MAD1L1: variants seen among roughly 807,000 people sequenced by gnomAD.
MAD1L1 encodes the protein mitotic arrest deficient 1 like 1.
MAD1L1 carries 95 observed loss-of-function variants against 96.9 expected under a neutral mutation model. The observed-to-expected ratio is 0.98, with a 90% CI of 0.83 to 1.16. The LOEUF (loss-of-function observed/expected upper bound fraction) is 1.16. Among genes scored for constraint, MAD1L1 ranks in the 50% most tolerant of loss-of-function variants. MAD1L1 has a pLI of 0.00. For missense variants in MAD1L1, 1,007 were observed against 954.4 expected (o/e 1.06, Z -0.73); for synonymous variants, 473 against 396.6 (o/e 1.19, Z -2.29).
intron 11 of MAD1L1, among the ~76,000 whole-genome samples, chr7:2,127,295 A>G (rs553851087): frequency 6.6e-6 from 1 of 152,272 alleles, no homozygotes; most frequent in East Asian, 1.9e-4. Context: ...GAGGGGCACA[A>G]AGGAGCGGCA....
At chr7:1,939,343 C>T (rs896664513) in intron 16 of MAD1L1, among the ~76,000 whole-genome samples, 8 of 150,888 alleles carry the variant, frequency 5.3e-5, no homozygotes, top group Non-Finnish European at 1.0e-4. Context: ...ACACACAGGC[C>T]AGGGCTGGAG....
At chr7:2,171,764 G>T (rs1300601280) in intron 10 of MAD1L1, among the ~76,000 whole-genome samples, 1 of 151,220 alleles carries the variant, frequency 6.6e-6, no homozygotes, top group East Asian at 1.9e-4. Flanking sequence ...CATGCAAAGG[G>T]CAGCAGAGAA....
Position 2,100,187 on chromosome 7 carries a change from G to T in MAD1L1, c.1074-30849C>A, listed in dbSNP as rs141301372. Among the ~76,000 whole-genome samples the T allele has an allele frequency of 3.2e-3, 494 of 152,358 alleles. 5 individuals are homozygous for T. Among genetic ancestry groups the T allele is most frequent in the African/African-American group, 0.011 (472 of 41,574 alleles). On this transcript the variant is annotated intron_variant, in intron 11 of 18. Coordinates refer to ENST00000265854, the MANE Select transcript of MAD1L1 (RefSeq NM_001013836.2). ...CGACGGCCAGCGCAGTCAGCTGCAA[G>T]TACTTTCTGTTCCAGACCAGCAGGG...
chr7:1,864,011 T>C (rs1583589566), intron 18 of MAD1L1, among the ~76,000 whole-genome samples: 1 of 18,802 alleles, frequency 5.3e-5, no homozygotes, highest in African/African-American at 8.4e-4. Context: ...TGCTTAAAAC[T>C]ACTCTGGAGG....
intron 17 of MAD1L1, among the ~76,000 whole-genome samples, chr7:1,914,853 T>C (rs544983267): frequency 1.6e-4 from 25 of 152,276 alleles, no homozygotes; most frequent in African/African-American, 5.1e-4. Context: ...CCTCTGGCAA[T>C]CCCCTGTACC....
In MAD1L1 at chr7:2,149,159, T is replaced by G; in HGVS notation, c.1066A>C (p.Thr356Pro). 6.2e-7 allele frequency: 1 copy of G among 1,614,068 alleles called. No homozygotes were observed. The change falls in exon 11 of 19, where the codon ACC becomes CCC. Residue 356 changes from threonine (T) to proline (P), a missense_variant. Thr to Pro is a conservative substitution (Grantham distance 38). Coordinates refer to ENST00000265854, the MANE Select transcript of MAD1L1 (RefSeq NM_001013836.2). Reference protein sequence around the residue: ...LALKDKNSAVTSSARGLEKAR... With the variant: ...LALKDKNSAVPSSARGLEKAR... ...CTGGGCGGCCAGGTCTACCTGCTGGTGACGGCGCTGTTCTTGTCCTTCAAG... is the reference window on the plus strand; with the variant it reads ...CTGGGCGGCCAGGTCTACCTGCTGGGGACGGCGCTGTTCTTGTCCTTCAAG...
At chr7:1,867,716 G>T (rs1784845816) in intron 18 of MAD1L1, among the ~76,000 whole-genome samples, 2 of 152,240 alleles carry the variant, frequency 1.3e-5, no homozygotes, top group African/African-American at 4.8e-5. Context: ...GCTCCTGCAG[G>T]GTGGCTGTAG....
At chr7:2,182,002 G>A (rs1213190421) in intron 10 of MAD1L1, among the ~76,000 whole-genome samples, 1 of 152,028 alleles carries the variant, frequency 6.6e-6, no homozygotes, top group African/African-American at 2.4e-5. Flanking sequence ...GGTGTAAGAG[G>A]GATATAATGG....
chr7:1,916,018 G>A (rs745462134), intron 17 of MAD1L1, among the ~76,000 whole-genome samples: 24 of 152,248 alleles, frequency 1.6e-4, no homozygotes, highest in Non-Finnish European at 3.2e-4. Flanking sequence ...GTATTTTGCA[G>A]AAGATGACCT....
chr7:2,110,306 C>T (rs190023085), intron 11 of MAD1L1, among the ~76,000 whole-genome samples: 1 of 152,348 alleles, frequency 6.6e-6, no homozygotes, highest in African/African-American at 2.4e-5. Flanking sequence ...CCATGCCCCA[C>T]GCCTCGGTAC....
intron 12 of MAD1L1, among the ~76,000 whole-genome samples, chr7:2,060,219 G>A (rs111832523): frequency 2.7e-4 from 35 of 128,570 alleles, no homozygotes; most frequent in African/African-American, 1.1e-3. Context: ...GCCAAGTTAC[G>A]CCGATGCCGA....
intron 10 of MAD1L1, among the ~76,000 whole-genome samples, chr7:2,159,227 G>A (rs565621897): frequency 6.7e-4 from 102 of 152,374 alleles, no homozygotes; most frequent in Non-Finnish European, 1.3e-3. Flanking sequence ...CTACGGGGAT[G>A]TGGGTCCCAC....
intron 12 of MAD1L1, among the ~76,000 whole-genome samples, chr7:2,060,458 A>G (rs1468216926): frequency 6.6e-6 from 1 of 152,096 alleles, no homozygotes; most frequent in Non-Finnish European, 1.5e-5. Context: ...ATGCCGAGAT[A>G]ACGCTGATGT....
At chr7:2,043,278 G>A (rs759711322) in intron 12 of MAD1L1, among the ~76,000 whole-genome samples, 14 of 152,122 alleles carry the variant, frequency 9.2e-5, no homozygotes, top group African/African-American at 2.7e-4. Flanking sequence ...ATAGCACTGC[G>A]CTCCCCTCCT....
chr7:2,071,016 G>A (rs761039385), intron 11 of MAD1L1, among the ~76,000 whole-genome samples: 1 of 151,456 alleles, frequency 6.6e-6, no homozygotes, highest in African/African-American at 2.4e-5. Flanking sequence ...CAGGGCTGGT[G>A]GATGGCGCTT....
intron 13 of MAD1L1, among the ~76,000 whole-genome samples, chr7:2,007,983 G>A (rs985818278): frequency 6.6e-6 from 1 of 152,230 alleles, no homozygotes; most frequent in Non-Finnish European, 1.5e-5. Flanking sequence ...GCAGGACTCT[G>A]TTTACGTGAA....
chr7:2,016,671 C>T (rs567387897), intron 12 of MAD1L1, among the ~76,000 whole-genome samples: 1 of 44,852 alleles, frequency 2.2e-5, no homozygotes, highest in Non-Finnish European at 4.4e-5. Context: ...GCCGCCACGT[C>T]TGGGGCTCTC....
intron 11 of MAD1L1, among the ~76,000 whole-genome samples, chr7:2,073,542 C>T (rs537361781): frequency 1.2e-4 from 19 of 152,284 alleles, no homozygotes; most frequent in African/African-American, 4.3e-4. Context: ...CTCCCCGATC[C>T]GCTGGCTCCC....
At chr7:1,870,076 C>T (rs1049013882) in intron 18 of MAD1L1, among the ~76,000 whole-genome samples, 22 of 152,268 alleles carry the variant, frequency 1.4e-4, no homozygotes, top group African/African-American at 5.3e-4. Flanking sequence ...GACCTTGAAC[C>T]GAGACAGGGA....
Sources: allele counts gnomAD v4.1 joint callset (sites outside exome capture counted in the v4.1 genomes callset), GRCh38; gene constraint gnomAD v4.1.1; transcripts MANE v1.5; gene names NCBI Gene and HGNC (gene_info 2026-07-23, HGNC 2026-07-21).